NRG4: variants seen among roughly 807,000 people sequenced by gnomAD.
NRG4 encodes pro-neuregulin-4, membrane-bound isoform.
NRG4 carries 10 observed loss-of-function variants against 15.0 expected under a neutral mutation model. That is an observed-to-expected ratio of 0.67 (90% CI 0.41 to 1.13). NRG4 has a LOEUF of 1.13. Ranked by LOEUF, NRG4 falls within the 50% of genes most tolerant of loss-of-function variation. The pLI is 0.00. For missense variants in NRG4, 139 were observed against 140.2 expected (o/e 0.99, Z 0.04); for synonymous variants, 41 against 50.1 (o/e 0.82, Z 0.77).
chr15:75,973,838 T>G (rs28769353), intron 3 of NRG4, among the ~76,000 whole-genome samples: 2 of 152,204 alleles, frequency 1.3e-5, no homozygotes, highest in Non-Finnish European at 2.9e-5. Flanking sequence ...CTTTTTTTAT[T>G]GTGTCTCTGC....
rs1209122581 is a variant in NRG4 at position 75,941,432 on chromosome 15, C to T, written c.*2206G>A. On this transcript the variant is annotated 3_prime_UTR_variant, in exon 6 of 6. Transcript: ENST00000394907. ...GCAATTGCATTTCTGGGTATATACACAAAATAATTGAAAGCGGAGGCTTGA... is the reference window on the plus strand; with the variant it reads ...GCAATTGCATTTCTGGGTATATACATAAAATAATTGAAAGCGGAGGCTTGA... The T allele has an allele frequency of 1.3e-5, 2 of 152,054 alleles. No individual in the cohort carries two copies. The highest frequency in any genetic ancestry group is 4.8e-5 in the African/African-American group (2 of 41,396). 9.4% of individuals were successfully genotyped at this position (152,054 alleles called of 1,614,324 possible).
rs867882179 is a variant in NRG4, at chr15:76,051,207, G to C, written c.-105+860C>G. Among the ~76,000 whole-genome samples, 76 of 148,310 alleles carry C rather than the reference G, an allele frequency of 5.1e-4. 3 individuals are homozygous for C. Among genetic ancestry groups the C allele is most frequent in the Middle Eastern group, 3.4e-3 (1 of 294 alleles). ...TTTTTAGTAGAGACGGGGTTTCACC[G>C]TTTTAGCCGGGATGGTCTCGATCTC... On this transcript the variant is annotated intron_variant, in intron 4 of 8. Coordinates refer to the NRG4 transcript ENST00000563910.
intron 3 of NRG4, among the ~76,000 whole-genome samples, chr15:75,981,865 T>A (rs2033619197): frequency 6.6e-6 from 1 of 152,146 alleles, no homozygotes; most frequent in Non-Finnish European, 1.5e-5. Flanking sequence ...GATAAATTCT[T>A]TACCAATAAA....
intron 5 of NRG4, among the ~76,000 whole-genome samples, chr15:75,955,609 T>C (rs1023422133): frequency 6.6e-6 from 1 of 152,170 alleles, no homozygotes; most frequent in Non-Finnish European, 1.5e-5. Flanking sequence ...AAAACTCTTC[T>C]TCCTCCCCAT....
chr15:76,045,272 C>T (rs2035842404), intron 4 of NRG4, among the ~76,000 whole-genome samples: 2 of 150,850 alleles, frequency 1.3e-5, no homozygotes, highest in African/African-American at 4.9e-5. Context: ...TGGCTTTTAT[C>T]CAAAAGACAG....
At chr15:75,963,732 C>T (rs1215744786) in intron 3 of NRG4, among the ~76,000 whole-genome samples, 8 of 147,370 alleles carry the variant, frequency 5.4e-5, no homozygotes, top group East Asian at 2.0e-4. Context: ...GAGCTGAGAT[C>T]GTGCCACTGC....
chr15:75,961,235 CGAAT>C (rs1462012888), intron 4 of NRG4, among the ~76,000 whole-genome samples: 2 of 151,732 alleles, frequency 1.3e-5, no homozygotes, highest in African/African-American at 4.8e-5. Flanking sequence ...AAAATCAAAA[CGAAT>C]GAAAGTAATC....
At chr15:75,967,885 T>C (rs2032892984) in intron 3 of NRG4, among the ~76,000 whole-genome samples, 1 of 152,208 alleles carries the variant, frequency 6.6e-6, no homozygotes, top group Non-Finnish European at 1.5e-5. Flanking sequence ...GAATAATCCA[T>C]ATTTGTCACT....
chr15:76,020,974 T>G (rs767690248), intron 5 of NRG4, among the ~76,000 whole-genome samples: 1 of 152,376 alleles, frequency 6.6e-6, no homozygotes, highest in South Asian at 2.1e-4. Context: ...AGATTTTCAC[T>G]GTAGAACAAC....
intron 3 of NRG4, among the ~76,000 whole-genome samples, chr15:75,994,241 G>C (rs58897892): frequency 6.6e-6 from 1 of 152,082 alleles, no homozygotes; most frequent in African/African-American, 2.4e-5. Flanking sequence ...GCCTTACCTG[G>C]GCTATCTGGA....
At chr15:76,018,659 C>G (rs929753560) in intron 5 of NRG4, among the ~76,000 whole-genome samples, 1 of 152,226 alleles carries the variant, frequency 6.6e-6, no homozygotes, top group Non-Finnish European at 1.5e-5. Context: ...CCAGCGGAGG[C>G]TGCAGAACAG....
At chr15:75,974,665 G>A (rs2033282531) in intron 3 of NRG4, among the ~76,000 whole-genome samples, 1 of 152,162 alleles carries the variant, frequency 6.6e-6, no homozygotes, top group Non-Finnish European at 1.5e-5. Flanking sequence ...TAGTTGTGTG[G>A]CTTTGAGTGA....
intron 4 of NRG4, among the ~76,000 whole-genome samples, chr15:75,960,704 T>C (rs1442878484): frequency 6.6e-6 from 1 of 152,180 alleles, no homozygotes; most frequent in Non-Finnish European, 1.5e-5. Context: ...TCAAGGAATC[T>C]GTAGCAATAA....
intron 4 of NRG4, among the ~76,000 whole-genome samples, chr15:76,051,161 AC>A (rs2036002210): frequency 6.8e-6 from 1 of 147,630 alleles, no homozygotes; most frequent in Non-Finnish European, 1.5e-5. Context: ...GCCCGCCACT[AC>A]GCCCGGCTAA....
At chr15:76,041,847 G>A (rs999854125) in intron 4 of NRG4, among the ~76,000 whole-genome samples, 4 of 152,130 alleles carry the variant, frequency 2.6e-5, no homozygotes, top group African/African-American at 9.7e-5. Context: ...GATACTTATA[G>A]AACATTTAAT....
intron 2 of NRG4, among the ~76,000 whole-genome samples, chr15:76,056,499 A>C (rs1467918102): frequency 6.6e-6 from 1 of 151,812 alleles, no homozygotes; most frequent in African/African-American, 2.4e-5. Context: ...AATTAAATTA[A>C]AAAATAAAAA....
upstream of NRG4, chr15:76,059,819 G>GGGAGGCGAGGGC (rs2036252642): frequency 6.8e-6 from 1 of 146,220 alleles, no homozygotes; most frequent in African/African-American, 2.5e-5. Context: ...CGCGGCCGGC[G>GGGAGGCGAGGGC]GGAGGCGAGG....
At chr15:75,997,054 A>G (rs2034241507) in intron 3 of NRG4, among the ~76,000 whole-genome samples, 1 of 152,126 alleles carries the variant, frequency 6.6e-6, no homozygotes, top group African/African-American at 2.4e-5. Flanking sequence ...TATAATACTT[A>G]GTAGACTAAG....
chr15:76,004,060 G>A (rs895090130), intron 3 of NRG4, among the ~76,000 whole-genome samples: 4 of 152,152 alleles, frequency 2.6e-5, no homozygotes, highest in Admixed American at 6.5e-5. Context: ...AGAGATTAAT[G>A]TATTGAGACG....
Sources: allele counts gnomAD v4.1 joint callset (sites outside exome capture counted in the v4.1 genomes callset), GRCh38; gene constraint gnomAD v4.1.1; transcripts MANE v1.5; gene names NCBI Gene and HGNC (gene_info 2026-07-23, HGNC 2026-07-21).